ALG12: variants seen among roughly 807,000 people sequenced by gnomAD.
ALG12 encodes the protein dol-P-Man:Man(7)GlcNAc(2)-PP-Dol alpha-1,6-mannosyltransferase.
Under a neutral mutation model 46.0 loss-of-function variants are expected in ALG12, and 36 were observed. The observed-to-expected ratio is 0.78, with a 90% confidence interval of 0.60 to 1.03. The LOEUF (loss-of-function observed/expected upper bound fraction) is 1.03. Among genes scored for constraint, ALG12 ranks in the 50% least tolerant of loss-of-function variants. The probability of loss-of-function intolerance (pLI) is 0.00; values close to 1 mark genes in which losing one functional copy is unlikely to be tolerated. For synonymous variants in ALG12, 326 were observed against 291.6 expected (o/e 1.12, Z -1.20); for missense variants, 599 against 633.5 (o/e 0.95, Z 0.58).
rs1210531145 is a variant in ALG12 at position 49,910,309 on chromosome 22, C to G, written c.469+125G>C. The G allele has an allele frequency of 1.7e-5, 24 of 1,376,304 alleles. No individual in the cohort carries two copies. The Admixed American group carries it at 4.7e-4, about 27-fold the overall frequency. The allele number at this position is 1,376,304 out of a possible 1,614,324, so 85.3% of individuals were successfully genotyped here. A position where few individuals can be genotyped will look rare whatever the true frequency, so the allele number is the denominator to read the frequency against. On this transcript the variant is annotated intron_variant, in intron 4 of 9. Transcript: ENST00000330817. The stretch of plus-strand genomic sequence containing the variant: ...AAGAGCCTGGTTTCAGGTCACAGAC[C>G]ATCCTGAGGAACCCAGTGGGGAATG...
At chr22:49,911,243 G>C (rs2060574926) in intron 3 of ALG12, among the ~76,000 whole-genome samples, 1 of 152,228 alleles carries the variant, frequency 6.6e-6, no homozygotes, top group South Asian at 2.1e-4. Context: ...TTTCCAGAAG[G>C]CCAGAGGAAC....
the ALG12 span, among the ~76,000 whole-genome samples, chr22:49,870,440 C>A: frequency 1.3e-5 from 2 of 152,184 alleles, no homozygotes; most frequent in East Asian, 3.8e-4. Context: ...GACATCCCTG[C>A]CAGCAGTGCT....
At chr22:49,883,794 C>T in the ALG12 span, 534 of 1,613,034 alleles carry the variant, frequency 3.3e-4, 2 homozygotes, top group Non-Finnish European at 4.1e-4. Flanking sequence ...ACTTTAAAAG[C>T]GAGCAGGAGG....
the ALG12 span, chr22:49,886,573 C>G: frequency 6.4e-7 from 1 of 1,555,042 alleles, no homozygotes; most frequent in Non-Finnish European, 8.7e-7. This position sits in a 1 kb window ranked among gnomAD's most constrained non-coding sequence, Gnocchi z 7.7. Context: ...GGTGGAGATG[C>G]TCTTCGAGGA....
intron 3 of ALG12, among the ~76,000 whole-genome samples, chr22:49,912,876 A>G (rs7289049): frequency 4.9e-4 from 74 of 152,282 alleles, no homozygotes; most frequent in African/African-American, 1.7e-3. Flanking sequence ...CAAAAAAGAA[A>G]AAAAAATCGG....
the ALG12 span, among the ~76,000 whole-genome samples, chr22:49,865,710 G>T: frequency 6.6e-6 from 1 of 151,990 alleles, no homozygotes; most frequent in Admixed American, 6.6e-5. Context: ...TGTTTCTGTT[G>T]TGTTTTGGTT....
At chr22:49,874,430 G>C in the ALG12 span, among the ~76,000 whole-genome samples, 28 of 151,060 alleles carry the variant, frequency 1.9e-4, no homozygotes, top group Admixed American at 3.3e-4. Context: ...CTATCTCCCA[G>C]GCTGGAGTGC....
At chr22:49,887,328 G>A in the ALG12 span, 5 of 789,412 alleles carry the variant, frequency 6.3e-6, no homozygotes, top group East Asian at 5.4e-5. Context: ...GTGTCTCCAC[G>A]TGCCTTACCC....
the ALG12 span, among the ~76,000 whole-genome samples, chr22:49,876,330 T>A: frequency 6.6e-6 from 1 of 152,226 alleles, no homozygotes; most frequent in Non-Finnish European, 1.5e-5. Flanking sequence ...GTGTCTTTAC[T>A]GATTTTTATG....
chr22:49,883,440 G>C, the ALG12 span: 1 of 514,318 alleles, frequency 1.9e-6, no homozygotes, highest in Non-Finnish European at 3.2e-6. Flanking sequence ...CACCATGAGT[G>C]TTTAGTAGCA....
rs1601816519 is a variant in ALG12, at chr22:49,902,328, G to C, written c.*1510C>G. The C allele has an allele frequency of 8.1e-6, 1 of 122,832 alleles. No individual in the cohort carries two copies. The highest frequency in any genetic ancestry group is 1.6e-5 in the Non-Finnish European group (1 of 63,104). 7.6% of individuals were successfully genotyped at this position (122,832 alleles called of 1,614,324 possible). On this transcript the variant is annotated 3_prime_UTR_variant, in exon 10 of 10. Transcript: ENST00000330817. Reference sequence around the variant, plus strand: ...ACTGTGTGTGGATGCATGGTAATGTGCACGTGTGCACTGTGTGTGGTGTGT... The same window carrying C: ...ACTGTGTGTGGATGCATGGTAATGTCCACGTGTGCACTGTGTGTGGTGTGT...
the ALG12 span, among the ~76,000 whole-genome samples, chr22:49,874,672 C>CTTTTT: frequency 3.8e-4 from 14 of 37,314 alleles, 4 homozygotes; most frequent in African/African-American, 8.8e-4. Context: ...CATGCCCAGC[C>CTTTTT]TTTTTTTTTT....
chr22:49,887,103 C>T, the ALG12 span: 1 of 1,614,066 alleles, frequency 6.2e-7, no homozygotes, highest in East Asian at 2.2e-5. Context: ...TTGGCCAATC[C>T]AGGCTCATGA....
chr22:49,865,954 C>T, the ALG12 span, among the ~76,000 whole-genome samples: 1 of 151,864 alleles, frequency 6.6e-6, no homozygotes, highest in Non-Finnish European at 1.5e-5. Flanking sequence ...TCAAGCAGCC[C>T]TCCCGCCTCC....
At chr22:49,865,410 G>T in the ALG12 span, among the ~76,000 whole-genome samples, 1 of 152,024 alleles carries the variant, frequency 6.6e-6, no homozygotes, top group Non-Finnish European at 1.5e-5. Context: ...AGCACTTCGG[G>T]GGCTAAGGCG....
At chr22:49,892,040 T>C in the ALG12 span, among the ~76,000 whole-genome samples, 1 of 151,844 alleles carries the variant, frequency 6.6e-6, no homozygotes, top group African/African-American at 2.4e-5. Flanking sequence ...TACAAAAAAT[T>C]AGCTGGGTGT....
chr22:49,916,031 G>A (rs946312199), intron 1 of ALG12, among the ~76,000 whole-genome samples: 6 of 152,072 alleles, frequency 3.9e-5, no homozygotes, highest in Admixed American at 2.6e-4. Flanking sequence ...AGGCTGAGGC[G>A]GGTGGATCAC....
At chr22:49,864,516 C>T in the ALG12 span, among the ~76,000 whole-genome samples, 4 of 152,086 alleles carry the variant, frequency 2.6e-5, no homozygotes, top group Non-Finnish European at 5.9e-5. Context: ...GTCGAAAATG[C>T]ACTTAATACC....
chr22:49,903,283 C>T lies in ALG12; in HGVS notation c.*555G>A, dbSNP rs2060524234. The T allele has an allele frequency of 2.2e-6, 1 of 454,834 alleles. No homozygotes were observed. Among genetic ancestry groups the T allele is most frequent in the Non-Finnish European group, 4.4e-6 (1 of 226,716 alleles). The allele number at this position is 454,834 out of a possible 1,614,324, so 28.2% of individuals were successfully genotyped here. On this transcript the variant is annotated 3_prime_UTR_variant, in exon 10 of 10. Coordinates refer to ENST00000330817, the MANE Select transcript of ALG12 (RefSeq NM_024105.4). ...CTCATTCCTTTTTGAATGTGTTTAT[C>T]TCCTAAGATTTTATCTGTGATGGAG...
Sources: gnomAD v4.1 joint callset for allele counts (sites outside exome capture counted in the v4.1 genomes callset) on GRCh38, gnomAD v4.1.1 for gene constraint, Gnocchi (gnomAD v3.1) non-coding constraint, MANE v1.5 for transcripts, NCBI Gene and HGNC (gene_info 2026-07-23, HGNC 2026-07-21) for gene names.